Variants in BBS9 observed in about 807,000 individuals in gnomAD.
BBS9 encodes Bardet-Biedl syndrome 9, also known as protein PTHB1.
In BBS9, 89 loss-of-function variants were observed where a neutral mutation model predicts 117.7. That is an observed-to-expected ratio of 0.76 (90% CI 0.64 to 0.90). The LOEUF (loss-of-function observed/expected upper bound fraction) is 0.90, where lower values mean the gene tolerates loss of function less well. BBS9 is among the 40% of genes least tolerant of loss of function. The probability of loss-of-function intolerance (pLI) is 0.00; values close to 1 mark genes in which losing one functional copy is unlikely to be tolerated. For missense variants in BBS9, 982 were observed against 1,042.2 expected, an observed-to-expected ratio of 0.94 and a Z score of 0.80; for synonymous variants, 379 against 370.9, an observed-to-expected ratio of 1.02 and a Z score of -0.25.
At chr7:33,202,990 C>T (rs961784519) in intron 5 of BBS9, among the ~76,000 whole-genome samples, 3 of 152,158 alleles carry the variant, frequency 2.0e-5, no homozygotes, top group African/African-American at 7.2e-5. Context: ...GGGGCTCCCC[C>T]AATAACTCTG....
chr7:33,585,975 A>C (rs1860818325), intron 21 of BBS9, among the ~76,000 whole-genome samples: 5 of 152,032 alleles, frequency 3.3e-5, no homozygotes, highest in Admixed American at 3.3e-4. Context: ...ATCATTTATT[A>C]TAATAACTGC....
chr7:33,463,038 T>G (rs931518325), intron 19 of BBS9, among the ~76,000 whole-genome samples: 1 of 152,098 alleles, frequency 6.6e-6, no homozygotes, highest in African/African-American at 2.4e-5. Flanking sequence ...TGTGCTCAGC[T>G]AAATAGATCT....
In BBS9 at chr7:33,553,757, G is replaced by T. The variant is rs555933287; in HGVS notation, c.2521+19581G>T. Among the ~76,000 whole-genome samples the T allele has an allele frequency of 2.0e-5, 3 of 152,102 alleles. No individual in the cohort carries two copies. The East Asian group carries it at 5.8e-4, about 29-fold the overall frequency. On this transcript the variant is annotated intron_variant, in intron 21 of 22. Coordinates refer to ENST00000242067, the MANE Select transcript of BBS9 (RefSeq NM_198428.3). Reference sequence around the variant, plus strand: ...CTCATGAATAGGACAATTTTTAAAAGTTTAACAGATTTTTTTAAATGCTAC... The same window carrying T: ...CTCATGAATAGGACAATTTTTAAAATTTTAACAGATTTTTTTAAATGCTAC...
At chr7:33,579,816 A>T (rs1288548328) in intron 21 of BBS9, among the ~76,000 whole-genome samples, 1 of 152,192 alleles carries the variant, frequency 6.6e-6, no homozygotes, top group Non-Finnish European at 1.5e-5. Context: ...AAAACTAAGC[A>T]GTTTATGTTC....
intron 19 of BBS9, among the ~76,000 whole-genome samples, chr7:33,474,905 A>G (rs1841589532): frequency 6.6e-6 from 1 of 152,198 alleles, no homozygotes; most frequent in Admixed American, 6.5e-5. Flanking sequence ...AGATTGCGCC[A>G]TTGCACTCCA....
At chr7:33,390,534 A>G (rs1826879453) in intron 19 of BBS9, 2 of 964,594 alleles carry the variant, frequency 2.1e-6, no homozygotes, top group Non-Finnish European at 2.5e-6. Flanking sequence ...ATTTTGACTT[A>G]ATTTTTATGT....
At chr7:33,365,175 T>C (rs1013667325) in intron 16 of BBS9, among the ~76,000 whole-genome samples, 1 of 152,128 alleles carries the variant, frequency 6.6e-6, no homozygotes, top group Non-Finnish European at 1.5e-5. Flanking sequence ...GTCCATTTCT[T>C]TGGGGTCAGC....
At chr7:33,262,282 C>T (rs979063130) in intron 6 of BBS9, among the ~76,000 whole-genome samples, 1 of 152,018 alleles carries the variant, frequency 6.6e-6, no homozygotes, top group African/African-American at 2.4e-5. Context: ...AAATAATGAC[C>T]ATAGTTATAT....
intron 9 of BBS9, among the ~76,000 whole-genome samples, chr7:33,284,652 A>G (rs1214424324): frequency 6.6e-6 from 1 of 152,180 alleles, no homozygotes; most frequent in Admixed American, 6.6e-5. Flanking sequence ...GTCCTTCAGG[A>G]AAACTAATAT....
intron 21 of BBS9, among the ~76,000 whole-genome samples, chr7:33,536,981 G>A (rs940061461): frequency 3.3e-5 from 5 of 151,694 alleles, no homozygotes; most frequent in Admixed American, 3.3e-4. Flanking sequence ...ATACAAAGTG[G>A]CATATTAGAA....
At chr7:33,159,018 A>G (rs1794469081) in intron 4 of BBS9, among the ~76,000 whole-genome samples, 2 of 152,110 alleles carry the variant, frequency 1.3e-5, no homozygotes, top group Non-Finnish European at 2.9e-5. Flanking sequence ...TTATTTGAAC[A>G]TAGTTTGAAC....
intron 12 of BBS9, chr7:33,346,420 G>A: frequency 4.2e-6 from 1 of 239,934 alleles, no homozygotes; most frequent in Middle Eastern, 4.5e-4. Flanking sequence ...ATATATCTAG[G>A]ATAAAAATTT....
At chr7:33,439,606 G>A (rs538215799) in intron 19 of BBS9, among the ~76,000 whole-genome samples, 15 of 145,162 alleles carry the variant, frequency 1.0e-4, no homozygotes, top group East Asian at 6.1e-4. Context: ...TTGGCTAACT[G>A]CAACCTCCGT....
chr7:33,628,341 A>G lies in BBS9; in HGVS notation c.2522-6836A>G, dbSNP rs149828343. ...TAGGAGCCAGCAATATATGAAAAGG[A>G]TAACACATCATAACCAGGTGGGGTT... On this transcript the variant is annotated intron_variant, in intron 21 of 21. Transcript: ENST00000671952. 2.1e-3 allele frequency among the ~76,000 whole-genome samples: 315 copies of G among 152,354 alleles called. 2 individuals are homozygous for G. Among genetic ancestry groups the G allele is most frequent in the South Asian group, 9.7e-3 (47 of 4,822 alleles).
intron 20 of BBS9, among the ~76,000 whole-genome samples, chr7:33,521,619 T>C (rs1682999785): frequency 8.8e-6 from 1 of 113,030 alleles, no homozygotes; most frequent in African/African-American, 3.5e-5. Context: ...CTGATTTTTT[T>C]CAGTGCTTTA....
At chr7:33,452,171 G>C (rs1452545696) in intron 19 of BBS9, among the ~76,000 whole-genome samples, 3 of 151,976 alleles carry the variant, frequency 2.0e-5, no homozygotes, top group African/African-American at 7.3e-5. Context: ...TACCAACACA[G>C]GATATCTTCT....
intron 19 of BBS9, among the ~76,000 whole-genome samples, chr7:33,398,280 T>C (rs1191222782): frequency 6.6e-6 from 1 of 152,234 alleles, no homozygotes; most frequent in East Asian, 1.9e-4. Flanking sequence ...GGGAGCCGTT[T>C]TCTCTTTCCT....
chr7:33,456,464 TA>T (rs1838666753), intron 19 of BBS9, among the ~76,000 whole-genome samples: 3 of 152,170 alleles, frequency 2.0e-5, no homozygotes, highest in African/African-American at 7.2e-5. Flanking sequence ...CCTGTGCCTG[TA>T]CTAATTTATA....
At chr7:33,283,198 T>C (rs552264354) in intron 9 of BBS9, among the ~76,000 whole-genome samples, 1 of 152,318 alleles carries the variant, frequency 6.6e-6, no homozygotes, top group South Asian at 2.1e-4. Context: ...GTATATTGCT[T>C]TTATACCTGA....
Sources: gnomAD v4.1 joint callset for allele counts (sites outside exome capture counted in the v4.1 genomes callset) on GRCh38, gnomAD v4.1.1 for gene constraint, MANE v1.5 for transcripts, NCBI Gene and HGNC (gene_info 2026-07-23, HGNC 2026-07-21) for gene names.